The following ACOX3 variants were observed in gnomAD, a reference collection of about 807,000 sequenced individuals.
The protein encoded by ACOX3 is peroxisomal acyl-coenzyme A oxidase 3.
ACOX3 carries 73 observed loss-of-function variants against 81.5 expected under a neutral mutation model. The ratio of observed to expected loss-of-function variants is 0.90; its 90% confidence interval spans 0.74 to 1.09. ACOX3 has a LOEUF of 1.09. Ranked by LOEUF, ACOX3 falls within the 50% of genes least tolerant of loss-of-function variation. The pLI is 0.00. For synonymous variants in ACOX3, 387 were observed against 375.1 expected (o/e 1.03, Z -0.37); for missense variants, 947 against 928.0 (o/e 1.02, Z -0.27).
intron 1 of ACOX3, among the ~76,000 whole-genome samples, chr4:8,440,073 A>T (rs1337708165): frequency 1.3e-5 from 2 of 152,254 alleles, no homozygotes; most frequent in Non-Finnish European, 2.9e-5. Flanking sequence ...CATTGTATGA[A>T]AAAAGCATTG....
the ACOX3 span, chr4:8,358,443 A>C: frequency 6.6e-6 from 1 of 151,782 alleles, no homozygotes; most frequent in Non-Finnish European, 1.5e-5. Context: ...CCAATCAGGA[A>C]ATTTTTGAAT....
chr4:8,388,947 A>G (rs374690682), intron 13 of ACOX3, among the ~76,000 whole-genome samples: 140 of 152,284 alleles, frequency 9.2e-4, no homozygotes, highest in African/African-American at 3.2e-3. Flanking sequence ...ATAAGGTGGC[A>G]AGTGGGCATC....
Position 8,386,735 on chromosome 4 carries a change from C to T in ACOX3, c.1537+2438G>A, listed in dbSNP as rs781669947. Among the ~76,000 whole-genome samples, 3 of 152,148 alleles carry T rather than the reference C, an allele frequency of 2.0e-5. No individual in the cohort carries two copies. The highest frequency in any genetic ancestry group is 6.5e-5 in the Admixed American group (1 of 15,270). On this transcript the variant is annotated intron_variant, in intron 13 of 17. Transcript: ENST00000356406. This position sits in a 1 kb window ranked among gnomAD's most constrained non-coding sequence, Gnocchi z 5.2. ...ACGAGAAAGCAAGCAGTGATGCAGACGCTTCCTGATGACGATGCTGACGGT... is the reference window on the plus strand; with the variant it reads ...ACGAGAAAGCAAGCAGTGATGCAGATGCTTCCTGATGACGATGCTGACGGT...
chr4:8,360,101 A>G, the ACOX3 span, among the ~76,000 whole-genome samples: 1 of 152,174 alleles, frequency 6.6e-6, no homozygotes, highest in African/African-American at 2.4e-5. Flanking sequence ...TGTTCTTGGG[A>G]GCTTGACCTT....
rs1022592513 is a variant in ACOX3 at position 8,389,105 on chromosome 4, C to T, written c.1537+68G>A. ...TGCCAAGGGTCCCCTCACCGAGGCACGGTGCGTTTCCTGGTGGGAATGACA... is the reference window on the plus strand; with the variant it reads ...TGCCAAGGGTCCCCTCACCGAGGCATGGTGCGTTTCCTGGTGGGAATGACA... On this transcript the variant is annotated intron_variant, in intron 13 of 17. Transcript: ENST00000356406. This position sits in a 1 kb window ranked among gnomAD's most constrained non-coding sequence, Gnocchi z 5.3. The T allele has an allele frequency of 1.4e-5, 19 of 1,357,930 alleles. No homozygotes were observed. The highest frequency in any genetic ancestry group is 7.0e-5 in the East Asian group (3 of 42,676). The allele number at this position is 1,357,930 out of a possible 1,614,324, so 84.1% of individuals were successfully genotyped here.
Position 8,381,458 on chromosome 4 carries a change from A to C in ACOX3, c.1653+34T>G. On this transcript the variant is annotated intron_variant, in intron 14 of 17. Coordinates refer to ENST00000356406, the MANE Select transcript of ACOX3 (RefSeq NM_003501.3). This position sits in a 1 kb window ranked among gnomAD's most constrained non-coding sequence, Gnocchi z 4.3. ...AACGGCCAGGGAATTAAGAGCAAAT[A>C]ATACAAAAGGGAATTTTGAAAACAA... 2 of 1,586,032 alleles carry C rather than the reference A, an allele frequency of 1.3e-6. No individual in the cohort carries two copies. Among genetic ancestry groups the C allele is most frequent in the Non-Finnish European group, 1.7e-6 (2 of 1,155,870 alleles).
At chr4:8,429,146 G>A (rs1723792705) in intron 1 of ACOX3, among the ~76,000 whole-genome samples, 1 of 152,094 alleles carries the variant, frequency 6.6e-6, no homozygotes, top group South Asian at 2.1e-4. Context: ...TCCAAACTAA[G>A]ACACACACAC....
the ACOX3 span, among the ~76,000 whole-genome samples, chr4:8,360,838 T>G: frequency 6.6e-6 from 1 of 152,158 alleles, no homozygotes; most frequent in Non-Finnish European, 1.5e-5. Flanking sequence ...CAGGGACATG[T>G]GGAGTTAGCC....
chr4:8,406,032 C>T lies in ACOX3; in HGVS notation c.699G>A (p.Pro233=), dbSNP rs759340835. 1.8e-5 allele frequency: 29 copies of T among 1,613,948 alleles called. No individual in the cohort carries two copies. The highest frequency in any genetic ancestry group is 4.0e-5 in the African/African-American group (3 of 74,918). Residue 233 remains proline, a synonymous_variant, in exon 7 of 18, where the codon CCG becomes CCA. Coordinates refer to ENST00000356406, the MANE Select transcript of ACOX3 (RefSeq NM_003501.3). The surrounding 1 kb of genome is among the most constrained non-coding windows in gnomAD (Gnocchi z 5.6). ...LHPFIVQIRD[P]KTLLPMPGVM... ...CTCCAGGCATGGGAAGAAGGGTCTT[C>T]GGGTCCCGGATCTATACAAAGCCAC...
chr4:8,360,206 A>G, the ACOX3 span, among the ~76,000 whole-genome samples: 1 of 152,174 alleles, frequency 6.6e-6, no homozygotes, highest in Non-Finnish European at 1.5e-5. Context: ...TCTTCTATGT[A>G]TTTATATGTA....
chr4:8,375,596 C>A (rs10025626), intron 14 of ACOX3, among the ~76,000 whole-genome samples: 29,553 of 152,140 alleles, frequency 0.19, 2,991 homozygotes, highest in African/African-American at 0.25. Context: ...TCCCTGAGCT[C>A]AGAATTGACT....
chr4:8,438,781 T>C (rs1724396076), intron 1 of ACOX3: 1 of 152,238 alleles, frequency 6.6e-6, no homozygotes, highest in Non-Finnish European at 1.5e-5. Flanking sequence ...GTTGCAGGTG[T>C]TGTGTCTTAG....
chr4:8,374,019 G>T (rs942874607), intron 15 of ACOX3: 1 of 253,410 alleles, frequency 3.9e-6, no homozygotes, highest in Non-Finnish European at 7.7e-6. Flanking sequence ...GGGGCGCAGG[G>T]GCGAGGGGGT....
intron 5 of ACOX3, among the ~76,000 whole-genome samples, chr4:8,413,543 G>C (rs1342165431): frequency 7.5e-6 from 1 of 132,598 alleles, no homozygotes; most frequent in Non-Finnish European, 1.6e-5. Flanking sequence ...ACAGCCCCAG[G>C]GCATCCATCT....
At chr4:8,376,108 C>G (rs1333273254) in intron 14 of ACOX3, among the ~76,000 whole-genome samples, 1 of 152,188 alleles carries the variant, frequency 6.6e-6, no homozygotes, top group Non-Finnish European at 1.5e-5. Context: ...TCCACGGTGG[C>G]TGAACGAATC....
intron 6 of ACOX3, among the ~76,000 whole-genome samples, chr4:8,409,865 TGGGGCTGTAGGATACACTGTGGGC>T (rs1382778882): frequency 6.8e-6 from 1 of 147,518 alleles, no homozygotes; most frequent in Non-Finnish European, 1.5e-5. Flanking sequence ...GCGCTGCTGG[TGGGGCTGTAGGATACACTGTGGGC>T]GGGGCTGTAG....
In ACOX3 at chr4:8,394,568, C is replaced by T. The variant is rs1421849829; in HGVS notation, c.1179+52G>A. 2 of 1,601,094 alleles carry T rather than the reference C, an allele frequency of 1.2e-6. No individual in the cohort carries two copies. Among genetic ancestry groups the T allele is most frequent in the Non-Finnish European group, 1.7e-6 (2 of 1,172,890 alleles). On this transcript the variant is annotated intron_variant, in intron 10 of 17. Transcript: ENST00000356406. The surrounding 1 kb of genome is among the most constrained non-coding windows in gnomAD (Gnocchi z 5.9). ...AAATGAAGGTTGAATCTATGCTGCT[C>T]CAACCGTGTGAGATTTAAACGATGC... is the stretch of plus-strand genomic sequence containing the variant.
At position 8,375,090 on chromosome 4, in the gene ACOX3, G is replaced by A. The variant is rs113571998; in HGVS notation, c.1716C>T (p.His572=). The change falls in exon 15 of 18, where the codon CAC becomes CAT. Residue 572 remains histidine, a synonymous_variant. Transcript: ENST00000356406. ...GCACGGAAGGCTGGTGCACGTGCTC[G>A]TGGAACCTCTGGACCACCGTGAGCT... ...FVELTVVQRF[H]EHVHQPSVPP... 1,942 of 1,553,940 alleles carry A rather than the reference G, an allele frequency of 1.2e-3. 1 individual carries two copies. The highest frequency in any genetic ancestry group is 1.6e-3 in the Non-Finnish European group (1,826 of 1,148,702).
At chr4:8,392,650 G>A (rs1161611402) in intron 10 of ACOX3, among the ~76,000 whole-genome samples, 197 bp from the exon 11 acceptor site, 1 of 152,184 alleles carries the variant, frequency 6.6e-6, no homozygotes, top group Non-Finnish European at 1.5e-5. Context: ...ACTGTGGTAC[G>A]CTCATACCAT....
Sources: gnomAD v4.1 joint callset for allele counts (sites outside exome capture counted in the v4.1 genomes callset) on GRCh38, gnomAD v4.1.1 for gene constraint, Gnocchi (gnomAD v3.1) non-coding constraint, MANE v1.5 for transcripts, NCBI Gene and HGNC (gene_info 2026-07-23, HGNC 2026-07-21) for gene names.